The following RIPOR3 variants were observed in gnomAD, a reference collection of about 807,000 sequenced individuals.
RIPOR3 encodes RIPOR family member 3.
A neutral mutation model predicts 114.3 loss-of-function variants in RIPOR3; 95 were observed. That is an observed-to-expected ratio of 0.83 (90% CI 0.70 to 0.99). RIPOR3 has a LOEUF of 0.99. Among genes scored for constraint, RIPOR3 ranks in the 50% least tolerant of loss-of-function variants. RIPOR3 has a pLI of 0.00. For synonymous variants in RIPOR3, 575 were observed against 543.8 expected, an observed-to-expected ratio of 1.06 and a Z score of -0.80; for missense variants, 1,252 against 1,266.9, an observed-to-expected ratio of 0.99 and a Z score of 0.18.
intron 1 of RIPOR3, among the ~76,000 whole-genome samples, chr20:50,688,068 T>C (rs2087089233): frequency 6.6e-6 from 1 of 152,238 alleles, no homozygotes; most frequent in Non-Finnish European, 1.5e-5. Context: ...AATCAACCTA[T>C]GGTTACAATT....
chr20:50,630,933 C>A, intron 1 of RIPOR3, 77 bp from the exon 2 acceptor site: 3 of 1,124,096 alleles, frequency 2.7e-6, no homozygotes, highest in South Asian at 1.4e-5. Flanking sequence ...CACCTTCCAC[C>A]AACACCTACA....
chr20:50,606,715 G>GT (rs2083731330), intron 11 of RIPOR3, among the ~76,000 whole-genome samples: 1 of 140,352 alleles, frequency 7.1e-6, no homozygotes, highest in Non-Finnish European at 1.5e-5. Flanking sequence ...ACCCTGTGGA[G>GT]TGCTTTCTTG....
intron 1 of RIPOR3, among the ~76,000 whole-genome samples, chr20:50,666,185 T>TTCTTCTTTTCTTTTC (rs2086193272): frequency 1.2e-4 from 3 of 24,496 alleles, no homozygotes; most frequent in African/African-American, 2.2e-4. Context: ...GGACACCCAT[T>TTCTTCTTTTCTTTTC]TCTTTTCTTT....
intron 1 of RIPOR3, among the ~76,000 whole-genome samples, chr20:50,681,252 A>G (rs1156307356): frequency 7.9e-6 from 1 of 126,156 alleles, no homozygotes; most frequent in Non-Finnish European, 1.6e-5. Context: ...AGAAAAGAAA[A>G]GAAAAGAAAC....
intron 1 of RIPOR3, among the ~76,000 whole-genome samples, chr20:50,643,906 G>A (rs560235434): frequency 2.0e-5 from 3 of 151,762 alleles, no homozygotes; most frequent in Non-Finnish European, 4.4e-5. Context: ...GTAGAGATGG[G>A]GTTTCACCGT....
rs201982959 is a variant in RIPOR3 at position 50,608,681 on chromosome 20, C to T, written c.742G>A (p.Asp248Asn). 3 of 1,614,046 alleles carry T rather than the reference C, an allele frequency of 1.9e-6. No homozygotes were observed. Among genetic ancestry groups the T allele is most frequent in the Non-Finnish European group, 2.5e-6 (3 of 1,179,924 alleles). Residue 248 changes from aspartate (D) to asparagine (N), a missense_variant, in exon 10 of 22, where the codon GAC (aspartate) becomes AAC (asparagine). By Grantham distance (23) the Asp-to-Asn change is conservative (BLOSUM62 1). Transcript: ENST00000327979. Reference protein sequence around the residue: ...WKLKGRIESDDSQTWDEEEKA... With the variant: ...WKLKGRIESDNSQTWDEEEKA... ...TCCTCTTCGTCCCAGGTCTGGCTGT[C>T]ATCTGACTCGATCCGACCCTTGAGC...
chr20:50,680,212 C>T (rs920722094), intron 1 of RIPOR3, among the ~76,000 whole-genome samples: 6 of 152,190 alleles, frequency 3.9e-5, no homozygotes, highest in Non-Finnish European at 8.8e-5. Flanking sequence ...ATAACTCAGG[C>T]GCTGTGGTAG....
At chr20:50,689,744 C>G (rs952702064) in intron 1 of RIPOR3, among the ~76,000 whole-genome samples, 1 of 152,096 alleles carries the variant, frequency 6.6e-6, no homozygotes, top group Admixed American at 6.6e-5. Flanking sequence ...GGCTTCTGGA[C>G]AAGTTGCTCC....
At chr20:50,638,670 C>T (rs572926196) in intron 1 of RIPOR3, among the ~76,000 whole-genome samples, 36 of 151,478 alleles carry the variant, frequency 2.4e-4, no homozygotes, top group Non-Finnish European at 4.3e-4. Flanking sequence ...GGGAAGAGAG[C>T]GTGGGGGTGT....
At chr20:50,598,906 G>GAAA (rs368515447) in intron 13 of RIPOR3, among the ~76,000 whole-genome samples, 10 of 119,610 alleles carry the variant, frequency 8.4e-5, no homozygotes, top group African/African-American at 2.6e-4. Context: ...CTCCATCTCA[G>GAAA]AAAAAAAAAA....
At chr20:50,685,813 C>G (rs1485189367) in intron 1 of RIPOR3, among the ~76,000 whole-genome samples, 15 of 60,500 alleles carry the variant, frequency 2.5e-4, no homozygotes, top group Non-Finnish European at 3.9e-4. Context: ...GAACGAGACT[C>G]TGTCTCAAAA....
intron 17 of RIPOR3, 86 bp from the exon 18 acceptor site, chr20:50,593,282 G>C: frequency 6.8e-7 from 1 of 1,471,700 alleles, no homozygotes; most frequent in Non-Finnish European, 9.1e-7. Flanking sequence ...TCAGCTAAAA[G>C]GCTTTCTGGG....
intron 4 of RIPOR3, among the ~76,000 whole-genome samples, chr20:50,613,416 G>T (rs746127760): frequency 6.6e-6 from 1 of 151,884 alleles, no homozygotes; most frequent in Non-Finnish European, 1.5e-5. Flanking sequence ...TCGTGACACT[G>T]GACTCCAGCC....
chr20:50,643,974 A>C, intron 1 of RIPOR3, among the ~76,000 whole-genome samples: 1 of 151,400 alleles, frequency 6.6e-6, no homozygotes, highest in East Asian at 2.0e-4. Context: ...CAGCCTCCCA[A>C]GGTGCTGGGA....
intron 1 of RIPOR3, among the ~76,000 whole-genome samples, chr20:50,683,893 C>A (rs1393691102): frequency 6.6e-6 from 1 of 151,786 alleles, no homozygotes; most frequent in Non-Finnish European, 1.5e-5. Context: ...CCAACGTGGC[C>A]AACATAGCAA....
At chr20:50,649,108 C>T (rs139387704) in intron 1 of RIPOR3, among the ~76,000 whole-genome samples, 205 of 152,272 alleles carry the variant, frequency 1.3e-3, no homozygotes, top group African/African-American at 4.8e-3. Context: ...TTCCCAGTGT[C>T]TCTGTCTTCA....
intron 1 of RIPOR3, among the ~76,000 whole-genome samples, chr20:50,690,269 C>T (rs1191036304): frequency 6.6e-6 from 1 of 152,222 alleles, no homozygotes; most frequent in Non-Finnish European, 1.5e-5. Context: ...AGGCATATGC[C>T]AGTCTCCCTG....
rs747434914 is a variant in RIPOR3, at chr20:50,589,682, T to C, written c.2661+4A>G. 229 of 1,613,412 alleles carry C rather than the reference T, an allele frequency of 1.4e-4. 1 individual carries two copies. Among genetic ancestry groups the C allele is most frequent in the Admixed American group, 4.0e-4 (24 of 59,968 alleles). ...AGCCACTAATGGGGAAACGTCAGGC[T>C]CACCTTGAGGTGTTTGAGCGCTAGG... is the stretch of plus-strand genomic sequence containing the variant. On this transcript the variant is annotated splice_donor_region_variant and intron_variant, in intron 20 of 21. Transcript: ENST00000327979.
chr20:50,608,310 A>G (rs967580625), intron 11 of RIPOR3, 79 bp downstream of exon 11: 80 of 1,588,032 alleles, frequency 5.0e-5, no homozygotes, highest in Non-Finnish European at 6.1e-5. Flanking sequence ...CTGGTGCAGG[A>G]ACCCAGGGCC....
Sources: allele counts gnomAD v4.1 joint callset (sites outside exome capture counted in the v4.1 genomes callset), GRCh38; gene constraint gnomAD v4.1.1; transcripts MANE v1.5; gene names NCBI Gene and HGNC (gene_info 2026-07-23, HGNC 2026-07-21).